The following CACNA2D4 variants were observed in gnomAD, a reference collection of about 807,000 sequenced individuals.
CACNA2D4 encodes the protein calcium voltage-gated channel auxiliary subunit alpha2delta 4.
Under a neutral mutation model 163.8 loss-of-function variants are expected in CACNA2D4, and 157 were observed. The ratio of observed to expected loss-of-function variants is 0.96; its 90% CI spans 0.84 to 1.09. The LOEUF (loss-of-function observed/expected upper bound fraction) is 1.09. CACNA2D4 is among the 50% of genes least tolerant of loss of function. The pLI is 0.00. For missense variants in CACNA2D4, 1,410 were observed against 1,479.9 expected, an observed-to-expected ratio of 0.95 and a Z score of 0.78; for synonymous variants, 598 against 586.9, an observed-to-expected ratio of 1.02 and a Z score of -0.27.
In CACNA2D4 at chr12:1,822,501, C is replaced by G. The variant is rs539644504; in HGVS notation, c.2552-10778G>C. 3.9e-5 allele frequency among the ~76,000 whole-genome samples: 6 copies of G among 152,168 alleles called. No individual in the cohort carries two copies. The East Asian group carries it at 1.2e-3, about 29-fold the overall frequency. The stretch of plus-strand genomic sequence containing the variant: ...ACCACCCTGAGCCCGGCCCCAGGGC[C>G]CAGTGGACACCTTAGCCTCCTTCAT... On this transcript the variant is annotated intron_variant, in intron 26 of 37. Transcript: ENST00000382722.
rs745337758 is a variant in CACNA2D4 at position 1,884,846 on chromosome 12, C to A, written c.1194G>T (p.Gln398His). 6.2e-6 allele frequency: 10 copies of A among 1,613,896 alleles called. No homozygotes were observed. The highest frequency in any genetic ancestry group is 3.3e-5 in the Admixed American group (2 of 60,024). ...QEAKQGSLCN[Q>H]AIMLISDGAV... ...CGCCGTCGCTGATGAGCATGATGGC[C>A]TGGTTGCAGAGGCTTCCTTGCTTGG... Residue 398 changes from glutamine to histidine, a missense_variant, in exon 11 of 38, where the codon CAG becomes CAT. Transcript: ENST00000382722.
intron 13 of CACNA2D4, among the ~76,000 whole-genome samples, chr12:1,881,225 C>T (rs12311729): frequency 0.062 from 9,449 of 152,276 alleles, 776 homozygotes; most frequent in East Asian, 0.42. Flanking sequence ...AAACTGTGAA[C>T]TGTGGCCTCG....
At chr12:1,873,807 A>G (rs943148767) in intron 18 of CACNA2D4, among the ~76,000 whole-genome samples, 14 of 152,206 alleles carry the variant, frequency 9.2e-5, no homozygotes, top group Non-Finnish European at 2.1e-4. Flanking sequence ...GGCAGATGCC[A>G]CCAAAATCAG....
At chr12:1,840,168 A>G (rs552411049) in intron 26 of CACNA2D4, among the ~76,000 whole-genome samples, 33 of 152,318 alleles carry the variant, frequency 2.2e-4, no homozygotes, top group Admixed American at 2.0e-3. Context: ...GCTGGTCTTC[A>G]GGTCATCTTT....
chr12:1,808,361 GA>G lies in CACNA2D4; in HGVS notation c.2721+1916del, dbSNP rs556681344. Among the ~76,000 whole-genome samples the G allele has an allele frequency of 1.6e-4, 24 of 152,226 alleles. No individual in the cohort carries two copies. In the East Asian group the frequency reaches 4.1e-3, roughly 26 times the overall value. ...GCTTTTCCATTTTCAAGTGGTTGGG[GA>G]AAAAAAGTCAAAAGATTGATAACAT... On this transcript the variant is annotated intron_variant, in intron 29 of 37. Transcript: ENST00000382722.
intron 37 of CACNA2D4, among the ~76,000 whole-genome samples, chr12:1,794,570 TC>T (rs1185425967): frequency 2.6e-5 from 4 of 152,148 alleles, no homozygotes; most frequent in Non-Finnish European, 5.9e-5. Context: ...CATGAGCCTG[TC>T]TCAGGCTCCG....
chr12:1,793,059 C>G lies in CACNA2D4; in HGVS notation c.*596G>C, dbSNP rs1863020267. ...TTCCTTTCTCAGTCTTGACCATTCC[C>G]TTACCCAACCCCCACCCCAACACAG... On this transcript the variant is annotated 3_prime_UTR_variant, in exon 38 of 38. Coordinates refer to ENST00000382722, the MANE Select transcript of CACNA2D4 (RefSeq NM_172364.5). The G allele has an allele frequency of 1.3e-5, 2 of 152,914 alleles. No individual in the cohort carries two copies. Among genetic ancestry groups the G allele is most frequent in the African/African-American group, 4.8e-5 (2 of 41,460 alleles). The allele number at this position is 152,914 out of a possible 1,614,324, so 9.5% of individuals were successfully genotyped here. A position where few individuals can be genotyped will look rare whatever the true frequency, so the allele number is the denominator to read the frequency against.
rs550535097 is a variant in CACNA2D4 at position 1,827,056 on chromosome 12, G to A, written c.2551+13683C>T. On this transcript the variant is annotated intron_variant, in intron 26 of 37. Transcript: ENST00000382722. ...CAAGGAAGGTCAGAGGCTGGGAGCC[G>A]CCTGGAGCAGTGGGCTGACGCAGGG... is the stretch of plus-strand genomic sequence containing the variant. 7.9e-5 allele frequency among the ~76,000 whole-genome samples: 12 copies of A among 152,328 alleles called. No homozygotes were observed. The South Asian group carries it at 2.1e-3, about 26-fold the overall frequency.
At chr12:1,911,721 G>A (rs967658569) in intron 3 of CACNA2D4, among the ~76,000 whole-genome samples, 3 of 152,190 alleles carry the variant, frequency 2.0e-5, no homozygotes, top group Non-Finnish European at 2.9e-5. Flanking sequence ...GGAGCCTGGA[G>A]CCCCAGCCTC....
chr12:1,817,909 G>A (rs537965988), intron 26 of CACNA2D4, among the ~76,000 whole-genome samples: 2 of 152,094 alleles, frequency 1.3e-5, no homozygotes, highest in East Asian at 3.9e-4. Flanking sequence ...CCACCACCCC[G>A]TCTGGGAAGT....
chr12:1,827,898 C>T (rs1021352116), intron 26 of CACNA2D4: 1 of 402,692 alleles, frequency 2.5e-6, no homozygotes, highest in South Asian at 9.6e-5. Context: ...GCCCCGCCCC[C>T]ATCCCAGGGG....
chr12:1,797,012 C>T (rs1863148079), intron 35 of CACNA2D4, among the ~76,000 whole-genome samples: 1 of 152,252 alleles, frequency 6.6e-6, no homozygotes. Flanking sequence ...AAGTTCTCCC[C>T]ACGCAGCTCA....
chr12:1,800,462 G>A (rs569978999), intron 31 of CACNA2D4, 24 bp from the exon 32 acceptor site: 132 of 1,612,546 alleles, frequency 8.2e-5, no homozygotes, highest in South Asian at 3.8e-4. Flanking sequence ...AGTGCACACC[G>A]CTCGCACCTA....
At chr12:1,810,988 G>A (rs572612480) in intron 27 of CACNA2D4, among the ~76,000 whole-genome samples, 1 of 152,338 alleles carries the variant, frequency 6.6e-6, no homozygotes, top group East Asian at 1.9e-4. Flanking sequence ...TTGCTGGTGT[G>A]GGGAGGGGAC....
chr12:1,831,185 G>A (rs201943054), intron 26 of CACNA2D4: 4 of 1,613,862 alleles, frequency 2.5e-6, no homozygotes, highest in Admixed American at 3.3e-5. Flanking sequence ...TCCTGGACCG[G>A]CTGCCCCGCT....
rs1032818065 is a variant in CACNA2D4, at chr12:1,869,571, G to T, written c.1878+5033C>A. On this transcript the variant is annotated intron_variant, in intron 18 of 37. Coordinates refer to ENST00000382722, the MANE Select transcript of CACNA2D4 (RefSeq NM_172364.5). This position sits in a 1 kb window ranked among gnomAD's most constrained non-coding sequence, Gnocchi z 4.7. The stretch of plus-strand genomic sequence containing the variant: ...TGTTTTTCCTCTTGAGTTCCAGTTC[G>T]TTCTTGCTTTCTTCCACATCTCATC... Among the ~76,000 whole-genome samples, 1 of 152,162 alleles carries T rather than the reference G, an allele frequency of 6.6e-6. No individual in the cohort carries two copies. Among genetic ancestry groups the T allele is most frequent in the African/African-American group, 2.4e-5 (1 of 41,428 alleles).
intron 6 of CACNA2D4, among the ~76,000 whole-genome samples, chr12:1,888,487 C>T (rs954408897): frequency 6.6e-6 from 1 of 152,092 alleles, no homozygotes; most frequent in Non-Finnish European, 1.5e-5. Flanking sequence ...TATAGCTTCT[C>T]AAGAATTACA....
In CACNA2D4 at chr12:1,795,395, T is replaced by A; in HGVS notation, c.3227-14A>T. 6.2e-7 allele frequency: 1 copy of A among 1,607,300 alleles called. No homozygotes were observed. The highest frequency in any genetic ancestry group is 8.5e-7 in the Non-Finnish European group (1 of 1,178,758). On this transcript the variant is annotated splice_polypyrimidine_tract_variant and intron_variant, in intron 36 of 37. Coordinates refer to ENST00000382722, the MANE Select transcript of CACNA2D4 (RefSeq NM_172364.5). ...CAGAGGCATTATGTGCAGAAGCCAC[T>A]GTTAAGGTCAATATCTCAGGACCGG...
Position 1,799,588 on chromosome 12 carries a change from G to A in CACNA2D4, c.2995+87C>T. 4.3e-6 allele frequency: 6 copies of A among 1,394,312 alleles called. No individual in the cohort carries two copies. Among genetic ancestry groups the A allele is most frequent in the Non-Finnish European group, 6.0e-6 (6 of 1,005,880 alleles). The allele number at this position is 1,394,312 out of a possible 1,614,324, so 86.4% of individuals were successfully genotyped here. A position where few individuals can be genotyped will look rare whatever the true frequency, so the allele number is the denominator to read the frequency against. On this transcript the variant is annotated intron_variant, in intron 34 of 37. Coordinates refer to ENST00000382722, the MANE Select transcript of CACNA2D4 (RefSeq NM_172364.5). The surrounding 1 kb of genome is among the most constrained non-coding windows in gnomAD (Gnocchi z 4.7). ...CAGCCCTGCTTGGGGTCATTCCTGG[G>A]ACAGGTCATGGAGGGTGGGTTCTTT...
Sources: allele counts gnomAD v4.1 joint callset (sites outside exome capture counted in the v4.1 genomes callset), GRCh38; gene constraint gnomAD v4.1.1; non-coding constraint Gnocchi (gnomAD v3.1); transcripts MANE v1.5; gene names NCBI Gene and HGNC (gene_info 2026-07-23, HGNC 2026-07-21).